TTC19: variants seen among roughly 807,000 people sequenced by gnomAD.
The protein encoded by TTC19 is tetratricopeptide repeat protein 19, mitochondrial.
TTC19 carries 38 observed loss-of-function variants against 49.5 expected under a neutral mutation model. That is an observed-to-expected ratio of 0.77 (90% CI 0.59 to 1.01). TTC19 has a LOEUF of 1.01. TTC19 is among the 50% of genes least tolerant of loss of function. The pLI, the probability that TTC19 is intolerant of heterozygous loss-of-function variation, is 0.00. For missense variants in TTC19, 475 were observed against 477.7 expected (o/e 0.99, Z 0.05); for synonymous variants, 204 against 185.2 (o/e 1.10, Z -0.83).
downstream of TTC19, chr17:16,032,585 G>C: frequency 8.7e-7 from 1 of 1,145,536 alleles, no homozygotes; most frequent in East Asian, 2.6e-5. Flanking sequence ...TTGTAAAATG[G>C]TCATGTGACA....
intron 2 of TTC19, chr17:16,040,228 C>CTT (rs1286379317): frequency 1.5e-6 from 1 of 659,748 alleles, no homozygotes; most frequent in African/African-American, 1.8e-5. Context: ...TAGTTTCATT[C>CTT]TTTTTGTTCA....
Position 16,000,226 on chromosome 17 carries a change from A to G in TTC19, c.293A>G (p.Gln98Arg), listed in dbSNP as rs1434675972. The G allele has an allele frequency of 1.3e-6, 2 of 1,595,224 alleles. No homozygotes were observed. Among genetic ancestry groups the G allele is most frequent in the Non-Finnish European group, 1.7e-6 (2 of 1,179,148 alleles). ...GACGAGGCCGAGGCAGAGATCATCC[A>G]GCTGCTGAAGCGAGCCAAGGTGAGG... ...GADEAEAEII[Q>R]LLKRAKLSIM... The change falls in exon 2 of 10, where the codon CAG (glutamine) becomes CGG (arginine). Residue 98 changes from glutamine (Q) to arginine (R), a missense_variant. Transcript: ENST00000261647.
chr17:16,012,144 GT>G (rs971673148), intron 7 of TTC19, among the ~76,000 whole-genome samples: 8 of 150,552 alleles, frequency 5.3e-5, no homozygotes, highest in African/African-American at 2.0e-4. Flanking sequence ...ATAGAGTGGG[GT>G]TTTTTTTTCT....
In TTC19 at chr17:16,034,617, C is replaced by T. The variant is rs1973721361; in HGVS notation, c.247+7915C>T. On this transcript the variant is annotated intron_variant, in intron 2 of 2. Coordinates refer to the TTC19 transcript ENST00000470649. ...AACAAGACCCCTCAAAAAAATACTT[C>T]TATTCGGGAAAGTGGAACATATTAA... 4.1e-6 allele frequency: 3 copies of T among 740,010 alleles called. No individual in the cohort carries two copies. In the East Asian group the frequency reaches 7.9e-5, roughly 19 times the overall value. The allele number at this position is 740,010 out of a possible 1,614,324, so 45.8% of individuals were successfully genotyped here.
At position 16,000,051 on chromosome 17, in the gene TTC19, G is replaced by C; in HGVS notation, c.184+19G>C. The C allele has an allele frequency of 7.8e-7, 1 of 1,280,916 alleles. No individual in the cohort carries two copies. The highest frequency in any genetic ancestry group is 9.8e-7 in the Non-Finnish European group (1 of 1,017,648). The allele number at this position is 1,280,916 out of a possible 1,614,324, so 79.3% of individuals were successfully genotyped here. On this transcript the variant is annotated intron_variant, in intron 1 of 9. Coordinates refer to ENST00000261647, the MANE Select transcript of TTC19 (RefSeq NM_017775.4). ...CTGGCAGGTGAGGGGCGCGGGCCGG[G>C]CGGGGCCGGCCGGGCGGGGACAGGG...
In TTC19 at chr17:16,025,053, T is replaced by C. The variant is rs140719848; in HGVS notation, c.713T>C (p.Met238Thr). The C allele has an allele frequency of 9.4e-5, 151 of 1,613,876 alleles. No individual in the cohort carries two copies. The highest frequency in any genetic ancestry group is 2.6e-5 in the Non-Finnish European group (31 of 1,179,854). The change falls in exon 8 of 10, where the codon ATG becomes ACG. Residue 238 changes from methionine to threonine, a missense_variant. Met to Thr is a moderately conservative substitution (Grantham distance 81). Coordinates refer to ENST00000261647, the MANE Select transcript of TTC19 (RefSeq NM_017775.4). ...GCCAATACCCACCTCCTCTTGGGCA[T>C]GTGCTTAGACGCCTGTGCTCGCTAC... ...EKANTHLLLG[M>T]CLDACARYLL...
chr17:16,043,955 A>C (rs2058195438), intron 2 of TTC19, among the ~76,000 whole-genome samples: 2 of 152,154 alleles, frequency 1.3e-5, no homozygotes, highest in South Asian at 4.1e-4. Flanking sequence ...GGATCACCTG[A>C]GGTCAGGAGT....
downstream of TTC19, chr17:16,032,391 G>C (rs199638814): frequency 1.7e-5 from 28 of 1,614,112 alleles, no homozygotes; most frequent in Middle Eastern, 1.6e-4. Flanking sequence ...GGAGCTGCTT[G>C]GTTCACCGCA....
chr17:16,001,464 A>G (rs1970730818), intron 2 of TTC19, among the ~76,000 whole-genome samples: 1 of 151,852 alleles, frequency 6.6e-6, no homozygotes, highest in Non-Finnish European at 1.5e-5. Flanking sequence ...CATCCTTACT[A>G]CCTCAGTTTA....
At chr17:16,008,141 A>G (rs1005342036) in intron 7 of TTC19, among the ~76,000 whole-genome samples, 4 of 152,156 alleles carry the variant, frequency 2.6e-5, no homozygotes, top group African/African-American at 9.7e-5. Flanking sequence ...TCTCTGCCCC[A>G]ACACCTAGGA....
chr17:16,021,542 G>A (rs1475451049), intron 7 of TTC19, among the ~76,000 whole-genome samples: 1 of 152,180 alleles, frequency 6.6e-6, no homozygotes, highest in African/African-American at 2.4e-5. Context: ...ATATGTTGGG[G>A]CAGTATGGTG....
chr17:16,038,562 C>T (rs974415904), intron 2 of TTC19, among the ~76,000 whole-genome samples: 2 of 151,726 alleles, frequency 1.3e-5, no homozygotes, highest in African/African-American at 4.8e-5. Flanking sequence ...TCGGCCCCCA[C>T]AAGTAACTGG....
At chr17:16,009,716 A>T (rs1971012108) in intron 7 of TTC19, among the ~76,000 whole-genome samples, 1 of 152,174 alleles carries the variant, frequency 6.6e-6, no homozygotes, top group Admixed American at 6.5e-5. Context: ...AACTATCTCT[A>T]TTCTAGGATA....
At chr17:16,041,026 C>G (rs114293704) in intron 2 of TTC19, 1,989 of 153,970 alleles carry the variant, frequency 0.013, 43 homozygotes, top group African/African-American at 0.043. Flanking sequence ...CTGGGATGAC[C>G]GCCACAAATA....
rs577000952 is a variant in TTC19 at position 16,042,277 on chromosome 17, T to C, written c.248-2226T>C. 2.0e-4 allele frequency among the ~76,000 whole-genome samples: 30 copies of C among 148,764 alleles called. No homozygotes were observed. In the South Asian group the frequency reaches 5.9e-3, roughly 29 times the overall value. ...AGCCTGAAACAGCAGAGCCCTGTTA[T>C]CATGAAGTGTGTGGAACAGGAGTCA... is the stretch of plus-strand genomic sequence containing the variant. On this transcript the variant is annotated intron_variant, in intron 2 of 2. Coordinates refer to the TTC19 transcript ENST00000470649.
At position 16,028,357 on chromosome 17, in the gene TTC19, G is replaced by A. The variant is rs1324750976; in HGVS notation, c.*835G>A. The A allele has an allele frequency of 2.4e-5, 11 of 453,924 alleles. No individual in the cohort carries two copies. The highest frequency in any genetic ancestry group is 3.5e-5 in the Non-Finnish European group (8 of 226,786). 28.1% of individuals were successfully genotyped at this position (453,924 alleles called of 1,614,324 possible). On this transcript the variant is annotated 3_prime_UTR_variant, in exon 10 of 10. Transcript: ENST00000261647. ...CTACAGGTATATTTTAAAACTCTTCGTAATTCTAATGTGTACTGCTGGTAT... is the reference window on the plus strand; with the variant it reads ...CTACAGGTATATTTTAAAACTCTTCATAATTCTAATGTGTACTGCTGGTAT...
chr17:16,036,329 C>T (rs568724318), intron 2 of TTC19, among the ~76,000 whole-genome samples: 6 of 152,212 alleles, frequency 3.9e-5, no homozygotes, highest in Non-Finnish European at 8.8e-5. Flanking sequence ...CACATGCTGT[C>T]ATCTAGGCTT....
At chr17:16,044,093 C>T (rs1038836631) in intron 2 of TTC19, among the ~76,000 whole-genome samples, 8 of 141,896 alleles carry the variant, frequency 5.6e-5, no homozygotes, top group East Asian at 4.2e-4. Flanking sequence ...CACTTGAACC[C>T]GGGAGGCGGA....
chr17:16,043,405 T>TA (rs991252674), intron 2 of TTC19, among the ~76,000 whole-genome samples: 42 of 148,754 alleles, frequency 2.8e-4, no homozygotes, highest in African/African-American at 6.4e-4. Context: ...GTTCTTGCAA[T>TA]AAAAAAAAAA....
Sources: allele counts gnomAD v4.1 joint callset (sites outside exome capture counted in the v4.1 genomes callset), GRCh38; gene constraint gnomAD v4.1.1; transcripts MANE v1.5; gene names NCBI Gene and HGNC (gene_info 2026-07-23, HGNC 2026-07-21).